Variants in ESRRG observed in about 807,000 individuals in gnomAD.
The protein encoded by ESRRG is estrogen related receptor gamma, also known as estrogen-related receptor gamma.
ESRRG carries 13 observed loss-of-function variants against 44.0 expected under a neutral mutation model. The ratio of observed to expected loss-of-function variants is 0.30; its 90% CI spans 0.19 to 0.47. The LOEUF (loss-of-function observed/expected upper bound fraction) is 0.47, where lower values mean the gene tolerates loss of function less well. Ranked by LOEUF, ESRRG falls within the 20% of genes least tolerant of loss-of-function variation. The pLI, the probability that ESRRG is intolerant of heterozygous loss-of-function variation, is 1.00. For synonymous variants in ESRRG, 215 were observed against 214.6 expected (o/e 1.00, Z -0.02); for missense variants, 395 against 580.6 (o/e 0.68, Z 3.29).
At chr1:216,732,579 G>T (rs570992685) in intron 2 of ESRRG, among the ~76,000 whole-genome samples, 102 of 152,004 alleles carry the variant, frequency 6.7e-4, no homozygotes, top group African/African-American at 2.3e-3. Flanking sequence ...ATTTCACCAT[G>T]TTGGACAGGC....
intron 2 of ESRRG, among the ~76,000 whole-genome samples, chr1:216,818,159 A>T (rs757900640): frequency 6.6e-6 from 1 of 152,200 alleles, no homozygotes; most frequent in Non-Finnish European, 1.5e-5. Flanking sequence ...ATCCCACTAA[A>T]ACCTCCTGAA....
chr1:216,705,294 C>A (rs1010515061), intron 1 of ESRRG, among the ~76,000 whole-genome samples: 22 of 151,524 alleles, frequency 1.5e-4, no homozygotes, highest in African/African-American at 5.3e-4. Context: ...TCTGAATGGC[C>A]ACATAAACGA....
At chr1:216,663,815 A>C (rs2151276480) in intron 2 of ESRRG, among the ~76,000 whole-genome samples, 1 of 152,240 alleles carries the variant, frequency 6.6e-6, no homozygotes, top group African/African-American at 2.4e-5. Flanking sequence ...ATAATACAGA[A>C]GTGTCATCAG....
intron 2 of ESRRG, among the ~76,000 whole-genome samples, chr1:216,875,957 A>C (rs1311582371): frequency 1.3e-5 from 2 of 152,188 alleles, no homozygotes; most frequent in Non-Finnish European, 2.9e-5. Context: ...CATCATCTAG[A>C]ATGGATATCA....
At chr1:216,823,684 C>T (rs746610055) in intron 2 of ESRRG, among the ~76,000 whole-genome samples, 11 of 152,114 alleles carry the variant, frequency 7.2e-5, no homozygotes, top group East Asian at 1.9e-4. Flanking sequence ...TTTTCTAATT[C>T]GACAGAACTG....
intron 2 of ESRRG, among the ~76,000 whole-genome samples, chr1:216,907,749 A>G (rs968966479): frequency 6.6e-6 from 1 of 152,162 alleles, no homozygotes; most frequent in African/African-American, 2.4e-5. Flanking sequence ...CCCCCATCAA[A>G]TCAAAAGTTT....
intron 2 of ESRRG, among the ~76,000 whole-genome samples, chr1:216,779,094 C>T (rs1243386757): frequency 2.4e-5 from 3 of 126,128 alleles, no homozygotes; most frequent in Admixed American, 1.9e-4. Context: ...TATGTGGAGG[C>T]TTAAACTATA....
intron 2 of ESRRG, among the ~76,000 whole-genome samples, chr1:216,784,503 A>G (rs750084353): frequency 1.1e-4 from 16 of 152,078 alleles, no homozygotes; most frequent in Non-Finnish European, 2.2e-4. Flanking sequence ...AAAGCACTAG[A>G]TTAAGATTCT....
chr1:216,746,981 C>T (rs1040484759), intron 2 of ESRRG, among the ~76,000 whole-genome samples: 12 of 152,112 alleles, frequency 7.9e-5, no homozygotes, highest in South Asian at 6.2e-4. Context: ...CAGTAATTAT[C>T]AGTATGACTT....
At chr1:216,517,898 T>G (rs920490881) in intron 6 of ESRRG, among the ~76,000 whole-genome samples, 2 of 152,194 alleles carry the variant, frequency 1.3e-5, no homozygotes, top group African/African-American at 4.8e-5. Flanking sequence ...AATGCTAAAC[T>G]GCATTATGAA....
intron 1 of ESRRG, among the ~76,000 whole-genome samples, chr1:216,699,405 G>A (rs896176415): frequency 6.6e-6 from 1 of 152,196 alleles, no homozygotes; most frequent in Non-Finnish European, 1.5e-5. Flanking sequence ...ATTCAAAGGA[G>A]ACATCATAAT....
At chr1:216,972,020 T>C (rs1482117636) in intron 1 of ESRRG, among the ~76,000 whole-genome samples, 1 of 152,234 alleles carries the variant, frequency 6.6e-6, no homozygotes, top group African/African-American at 2.4e-5. Context: ...TTAGGGTGTT[T>C]AGACATTATT....
chr1:216,625,554 T>G (rs1489079500), intron 3 of ESRRG, among the ~76,000 whole-genome samples: 6 of 152,058 alleles, frequency 3.9e-5, no homozygotes, highest in African/African-American at 1.4e-4. Context: ...ATTCCAGGTG[T>G]CTAGAGATGA....
intron 1 of ESRRG, among the ~76,000 whole-genome samples, chr1:217,042,927 T>C (rs1040680832): frequency 9.2e-5 from 14 of 152,108 alleles, no homozygotes; most frequent in African/African-American, 2.2e-4. Context: ...TCCATTGTCA[T>C]AGTATGATAC....
intron 5 of ESRRG, among the ~76,000 whole-genome samples, chr1:216,551,574 T>TAC (rs1383484646): frequency 6.6e-6 from 1 of 152,122 alleles, no homozygotes; most frequent in East Asian, 1.9e-4. Flanking sequence ...TCATGGCAAA[T>TAC]ACACAGACGT....
chr1:216,681,455 G>C (rs1046680886), intron 1 of ESRRG, among the ~76,000 whole-genome samples: 2 of 151,914 alleles, frequency 1.3e-5, no homozygotes, highest in African/African-American at 2.4e-5. Context: ...CCCCCCACCC[G>C]ACAACAGGCC....
intron 2 of ESRRG, among the ~76,000 whole-genome samples, chr1:216,868,228 C>T (rs374083714): frequency 1.3e-5 from 2 of 151,896 alleles, no homozygotes; most frequent in East Asian, 1.9e-4. Context: ...GCTTGGATTA[C>T]AGGCATGCGC....
chr1:216,603,273 C>T (rs2059484016), intron 3 of ESRRG, among the ~76,000 whole-genome samples: 1 of 151,988 alleles, frequency 6.6e-6, no homozygotes, highest in Non-Finnish European at 1.5e-5. Flanking sequence ...TAACTCAAAG[C>T]CCATGTTCTA....
chr1:217,012,622 C>A (rs1294717647), intron 1 of ESRRG, among the ~76,000 whole-genome samples: 2 of 152,182 alleles, frequency 1.3e-5, no homozygotes, highest in African/African-American at 4.8e-5. Context: ...AACACTTCTT[C>A]CGTCCTTTCC....
Sources: allele counts gnomAD v4.1 joint callset (sites outside exome capture counted in the v4.1 genomes callset), GRCh38; gene constraint gnomAD v4.1.1; transcripts MANE v1.5; gene names NCBI Gene and HGNC (gene_info 2026-07-23, HGNC 2026-07-21).